AK9: variants seen among roughly 807,000 people sequenced by gnomAD.
The protein encoded by AK9 is adenylate kinase domain containing 1.
In AK9, 191 loss-of-function variants were observed where a neutral mutation model predicts 239.6. The observed-to-expected ratio is 0.80, with a 90% CI of 0.71 to 0.90. AK9 has a LOEUF of 0.90. Ranked by LOEUF, AK9 falls within the 40% of genes least tolerant of loss-of-function variation. AK9 has a pLI of 0.00. For missense variants in AK9, 1,995 were observed against 2,214.7 expected, an observed-to-expected ratio of 0.90 and a Z score of 1.99; for synonymous variants, 689 against 721.0, an observed-to-expected ratio of 0.96 and a Z score of 0.71.
chr6:109,570,387 C>T (rs1197047033), intron 21 of AK9, among the ~76,000 whole-genome samples: 1 of 151,886 alleles, frequency 6.6e-6, no homozygotes, highest in East Asian at 1.9e-4. Context: ...ATGTAACAAA[C>T]CTGCATGTTG....
intron 21 of AK9, among the ~76,000 whole-genome samples, chr6:109,566,782 A>G (rs190926608): frequency 1.3e-5 from 2 of 152,322 alleles, no homozygotes; most frequent in East Asian, 3.9e-4. Flanking sequence ...AACTCACTCA[A>G]AACCACTCAA....
At chr6:109,575,364 T>C (rs1787932390) in intron 20 of AK9, among the ~76,000 whole-genome samples, 1 of 152,206 alleles carries the variant, frequency 6.6e-6, no homozygotes, top group South Asian at 2.1e-4. Context: ...TTTTTAATTA[T>C]GGCCATTCTT....
intron 32 of AK9, among the ~76,000 whole-genome samples, chr6:109,511,359 GACTT>G (rs1778730276): frequency 6.6e-6 from 1 of 152,084 alleles, no homozygotes; most frequent in Admixed American, 6.5e-5. Flanking sequence ...TTTTAATAGT[GACTT>G]ACAGCCTATG....
intron 24 of AK9, among the ~76,000 whole-genome samples, chr6:109,555,807 T>G (rs1784949768): frequency 6.6e-6 from 1 of 152,242 alleles, no homozygotes; most frequent in South Asian, 2.1e-4. Context: ...CAAGTCCGTT[T>G]GGTCAGAGAC....
intron 27 of AK9, 72 bp from the exon 28 acceptor site, chr6:109,533,542 T>A: frequency 1.6e-6 from 2 of 1,238,594 alleles, no homozygotes; most frequent in Non-Finnish European, 2.2e-6. Flanking sequence ...AATTTGACTG[T>A]AATGATCATT....
intron 7 of AK9, among the ~76,000 whole-genome samples, 153 bp from the exon 8 acceptor site, chr6:109,657,037 T>G (rs542978122): frequency 6.6e-6 from 1 of 152,330 alleles, no homozygotes; most frequent in Non-Finnish European, 1.5e-5. Flanking sequence ...TTTAAGAGAA[T>G]GGAAGACTCC....
intron 5 of AK9, among the ~76,000 whole-genome samples, chr6:109,668,232 AC>A (rs1801539448): frequency 6.7e-6 from 1 of 148,896 alleles, no homozygotes; most frequent in Admixed American, 6.7e-5. Context: ...TCCTTTGCCC[AC>A]TTTTTGATGG....
chr6:109,505,889 C>A (rs1436202825), intron 35 of AK9, among the ~76,000 whole-genome samples: 1 of 152,060 alleles, frequency 6.6e-6, no homozygotes, highest in Non-Finnish European at 1.5e-5. Context: ...GTTTTGGAGC[C>A]TGGGAAGTCC....
Position 109,545,264 on chromosome 6 carries a change from A to T in AK9, c.3225+603T>A, listed in dbSNP as rs575929510. On this transcript the variant is annotated intron_variant, in intron 26 of 40. Transcript: ENST00000424296. ...AGACCAGCCTGGGCAACATAGCAAG[A>T]CCCCCATCTCTACAAAAAATACCAA... Among the ~76,000 whole-genome samples, 9 of 152,052 alleles carry T rather than the reference A, an allele frequency of 5.9e-5. No homozygotes were observed. The South Asian group carries it at 1.9e-3, about 32-fold the overall frequency.
At chr6:109,559,929 T>C (rs1043641850) in intron 24 of AK9, among the ~76,000 whole-genome samples, 4 of 152,172 alleles carry the variant, frequency 2.6e-5, no homozygotes, top group African/African-American at 4.8e-5. Flanking sequence ...CATTCCTGCT[T>C]CTCCACTTCT....
intron 9 of AK9, among the ~76,000 whole-genome samples, chr6:109,643,591 A>T (rs1562538956): frequency 1.3e-5 from 2 of 152,190 alleles, no homozygotes; most frequent in African/African-American, 4.8e-5. Flanking sequence ...TCTTAAACAG[A>T]AATAGGATCA....
chr6:109,624,812 T>G (rs767238620), intron 12 of AK9, among the ~76,000 whole-genome samples: 2 of 152,312 alleles, frequency 1.3e-5, no homozygotes, highest in Non-Finnish European at 2.9e-5. Flanking sequence ...TGGTAGCTCC[T>G]ACAAGAATTC....
At chr6:109,518,012 A>G (rs1209034378) in intron 29 of AK9, among the ~76,000 whole-genome samples, 1 of 152,044 alleles carries the variant, frequency 6.6e-6, no homozygotes, top group Non-Finnish European at 1.5e-5. Context: ...GTAATCCTAA[A>G]TAATGCTCAA....
chr6:109,679,314 C>A (rs1397061108), intron 1 of AK9, among the ~76,000 whole-genome samples: 1 of 152,086 alleles, frequency 6.6e-6, no homozygotes, highest in Non-Finnish European at 1.5e-5. Context: ...GTGATTTTCC[C>A]CTCACAGTGT....
intron 1 of AK9, among the ~76,000 whole-genome samples, chr6:109,687,683 G>C (rs1773706628): frequency 6.6e-6 from 1 of 152,186 alleles, no homozygotes; most frequent in African/African-American, 2.4e-5. Context: ...CAAGTCTCCA[G>C]ATGGAAGCAC....
chr6:109,602,334 G>C (rs1186388850), intron 17 of AK9, among the ~76,000 whole-genome samples: 10 of 152,270 alleles, frequency 6.6e-5, no homozygotes, highest in African/African-American at 2.4e-4. Context: ...CTGTTATGAA[G>C]CTTAGTTTGG....
intron 24 of AK9, among the ~76,000 whole-genome samples, chr6:109,553,567 G>A (rs995870781): frequency 2.0e-5 from 3 of 152,144 alleles, no homozygotes; most frequent in African/African-American, 7.2e-5. Flanking sequence ...CTGAGACTTT[G>A]CTGAAGTTGC....
intron 12 of AK9, among the ~76,000 whole-genome samples, chr6:109,623,780 T>C (rs190282428): frequency 6.6e-6 from 1 of 151,962 alleles, no homozygotes; most frequent in African/African-American, 2.4e-5. Flanking sequence ...TCCTTTTTCC[T>C]TCTAATTTAC....
intron 10 of AK9, among the ~76,000 whole-genome samples, chr6:109,639,059 C>T (rs909855467): frequency 6.6e-6 from 1 of 152,164 alleles, no homozygotes; most frequent in Non-Finnish European, 1.5e-5. Flanking sequence ...CATTGATGGA[C>T]ATTTGGGTTG....
Sources: allele counts gnomAD v4.1 joint callset (sites outside exome capture counted in the v4.1 genomes callset), GRCh38; gene constraint gnomAD v4.1.1; transcripts MANE v1.5; gene names NCBI Gene and HGNC (gene_info 2026-07-23, HGNC 2026-07-21).